The following PFKL variants were observed in gnomAD, a reference collection of about 807,000 sequenced individuals.
PFKL encodes phosphofructokinase, liver type, also known as ATP-dependent 6-phosphofructokinase, liver type.
Under a neutral mutation model 92.1 loss-of-function variants are expected in PFKL, and 74 were observed. The ratio of observed to expected loss-of-function variants is 0.80; its 90% confidence interval spans 0.67 to 0.97. The LOEUF is 0.97. PFKL is among the 50% of genes least tolerant of loss of function. The probability of loss-of-function intolerance (pLI) is 0.00; values close to 1 mark genes in which losing one functional copy is unlikely to be tolerated. For missense variants in PFKL, 1,028 were observed against 1,116.6 expected (o/e 0.92, Z 1.13); for synonymous variants, 494 against 456.4 (o/e 1.08, Z -1.05).
chr21:44,320,073 A>G lies in PFKL; in HGVS notation c.1128-11A>G. ...CAGGGCTGTGCATGGTGTGACCCGA[A>G]TCCCTTCCAGGAGCTTCGAGAACAA... On this transcript the variant is annotated splice_polypyrimidine_tract_variant and intron_variant, in intron 11 of 21. Coordinates refer to ENST00000349048, the MANE Select transcript of PFKL (RefSeq NM_002626.6). 6.2e-7 allele frequency: 1 copy of G among 1,612,880 alleles called. No individual in the cohort carries two copies. Among genetic ancestry groups the G allele is most frequent in the Non-Finnish European group, 8.5e-7 (1 of 1,179,460 alleles).
In PFKL at chr21:44,319,717, G is replaced by A. The variant is rs1231980167; in HGVS notation, c.1127+302G>A. The stretch of plus-strand genomic sequence containing the variant: ...GGGGTGGCCCCGCGGGGGCTGGGAA[G>A]GCTGGCAGATGTTGGGTGTGGGTAC... On this transcript the variant is annotated intron_variant, in intron 11 of 21. Coordinates refer to ENST00000349048, the MANE Select transcript of PFKL (RefSeq NM_002626.6). 16 of 535,150 alleles carry A rather than the reference G, an allele frequency of 3.0e-5. No homozygotes were observed. The South Asian group carries it at 3.0e-4, about 10-fold the overall frequency. The allele number at this position is 535,150 out of a possible 1,614,324, so 33.2% of individuals were successfully genotyped here.
chr21:44,304,987 A>T (rs529180674), intron 1 of PFKL, among the ~76,000 whole-genome samples: 38 of 152,046 alleles, frequency 2.5e-4, no homozygotes, highest in Non-Finnish European at 4.7e-4. Context: ...TGCTCTGCCC[A>T]TTCTAACGTC....
intron 2 of PFKL, among the ~76,000 whole-genome samples, chr21:44,310,200 C>A (rs1439867737): frequency 2.0e-5 from 3 of 152,268 alleles, no homozygotes; most frequent in Non-Finnish European, 4.4e-5. Flanking sequence ...TCCCTCCCCT[C>A]AAACAACAAG....
rs776255790 is a variant in PFKL at position 44,325,942 on chromosome 21, G to T, written c.1990-19G>T. ...GCAGCCCAGGGGAGTCCAGGGAACC[G>T]GGCCTCACCTGTTTCCAGGGTGGCG... is the stretch of plus-strand genomic sequence containing the variant. On this transcript the variant is annotated intron_variant, in intron 19 of 21. Coordinates refer to ENST00000349048, the MANE Select transcript of PFKL (RefSeq NM_002626.6). 2.5e-6 allele frequency: 4 copies of T among 1,596,942 alleles called. No homozygotes were observed. Among genetic ancestry groups the T allele is most frequent in the Admixed American group, 3.4e-5 (2 of 59,382 alleles).
chr21:44,304,529 C>G (rs933826140), intron 1 of PFKL: 1 of 1,140,768 alleles, frequency 8.8e-7, no homozygotes, highest in South Asian at 1.8e-5. Flanking sequence ...CTTCGGCCAG[C>G]TGTGGCTGAG....
intron 2 of PFKL, among the ~76,000 whole-genome samples, chr21:44,308,304 G>A (rs1436781337): frequency 2.6e-5 from 4 of 152,130 alleles, no homozygotes; most frequent in Non-Finnish European, 5.9e-5. Flanking sequence ...GCTGCCTAGT[G>A]GGCTTTAGCT....
In PFKL at chr21:44,321,694, C is replaced by G. The variant is rs774869707; in HGVS notation, c.1192-35C>G. 4.0e-6 allele frequency: 6 copies of G among 1,507,096 alleles called. No individual in the cohort carries two copies. In the South Asian group the frequency reaches 8.0e-5, roughly 20 times the overall value. 93.4% of individuals were successfully genotyped at this position (1,507,096 alleles called of 1,614,324 possible). ...TGCAGGTTGGGGGTCCCCTCCCCGG[C>G]TGTGCCTCACGCTCATCTCCCCTTC... On this transcript the variant is annotated intron_variant, in intron 12 of 21. Coordinates refer to ENST00000349048, the MANE Select transcript of PFKL (RefSeq NM_002626.6).
chr21:44,319,489 C>T (rs1346083858), intron 11 of PFKL, 74 bp downstream of exon 11: 10 of 1,247,534 alleles, frequency 8.0e-6, no homozygotes, highest in East Asian at 7.0e-5. Context: ...GCTGCAGTGG[C>T]GCTATGCACG....
At chr21:44,323,508 T>A (rs2047412884) in intron 15 of PFKL, among the ~76,000 whole-genome samples, 1 of 151,946 alleles carries the variant, frequency 6.6e-6, no homozygotes. Context: ...CTCCATGGAG[T>A]GGATCTGGGG....
chr21:44,310,351 C>T (rs891274498), intron 2 of PFKL, among the ~76,000 whole-genome samples: 1 of 152,302 alleles, frequency 6.6e-6, no homozygotes, highest in East Asian at 1.9e-4. Flanking sequence ...CGTGGCGGGA[C>T]GCGGAGCCTG....
rs988982294 is a variant in PFKL, at chr21:44,312,914, G to T, written c.428-64G>T. The T allele has an allele frequency of 2.6e-6, 4 of 1,546,096 alleles. No individual in the cohort carries two copies. In the African/African-American group the frequency reaches 5.4e-5, roughly 21 times the overall value. On this transcript the variant is annotated intron_variant, in intron 4 of 21. Coordinates refer to ENST00000349048, the MANE Select transcript of PFKL (RefSeq NM_002626.6). Reference sequence around the variant, plus strand: ...CGGGGGAAGGGGTGGCAGGAGAGGGGTCTCTGGCCCTGTGGTGGGGCCAGT... The same window carrying T: ...CGGGGGAAGGGGTGGCAGGAGAGGGTTCTCTGGCCCTGTGGTGGGGCCAGT...
At chr21:44,301,036 C>G (rs1404962675) in intron 1 of PFKL, among the ~76,000 whole-genome samples, 1 of 152,184 alleles carries the variant, frequency 6.6e-6, no homozygotes, top group Non-Finnish European at 1.5e-5. Flanking sequence ...CAGCCAGCAC[C>G]CCAAGGCTGT....
chr21:44,311,179 C>G lies in PFKL; in HGVS notation c.237+96C>G, dbSNP rs564685789. The G allele has an allele frequency of 9.7e-5, 87 of 898,196 alleles. No individual in the cohort carries two copies. In the East Asian group the frequency reaches 2.2e-3, roughly 23 times the overall value. The allele number at this position is 898,196 out of a possible 1,614,324, so 55.6% of individuals were successfully genotyped here. ...ACACAGACACACACACAGAGACAGACACGTGCACAAACACACACATGCAGA... is the reference window on the plus strand; with the variant it reads ...ACACAGACACACACACAGAGACAGAGACGTGCACAAACACACACATGCAGA... On this transcript the variant is annotated intron_variant, in intron 3 of 21. Transcript: ENST00000349048.
intron 11 of PFKL, 39 bp from the exon 12 acceptor site, chr21:44,320,045 C>T (rs2047318553): frequency 1.9e-6 from 3 of 1,592,192 alleles, no homozygotes; most frequent in African/African-American, 1.3e-5. Flanking sequence ...CGCCGTGGCG[C>T]TGCAGGGCTG....
chr21:44,325,274 A>T lies in PFKL; in HGVS notation c.1989+10A>T. 6.4e-7 allele frequency: 1 copy of T among 1,552,652 alleles called. No individual in the cohort carries two copies. The highest frequency in any genetic ancestry group is 8.9e-7 in the Non-Finnish European group (1 of 1,125,158). ...GGGCCACCTGCAGCAGGTGTGGGGC[A>T]GGGGTGAGGCTCTGAGAGGCCTGCC... On this transcript the variant is annotated intron_variant, in intron 19 of 21. Coordinates refer to ENST00000349048, the MANE Select transcript of PFKL (RefSeq NM_002626.6).
chr21:44,322,219 C>A lies in PFKL; in HGVS notation c.1409+16C>A. The A allele has an allele frequency of 6.3e-7, 1 of 1,594,656 alleles. No homozygotes were observed. On this transcript the variant is annotated intron_variant, in intron 14 of 21. Transcript: ENST00000349048. Reference sequence around the variant, plus strand: ...GGACCAAGAGGTGAGCTGCCTGCTGCGGGTACCTGGGGGCAGGAGGGCCAG... The same window carrying A: ...GGACCAAGAGGTGAGCTGCCTGCTGAGGGTACCTGGGGGCAGGAGGGCCAG...
intron 11 of PFKL, 141 bp downstream of exon 11, chr21:44,319,556 C>T (rs1282367223): frequency 1.3e-6 from 1 of 744,184 alleles, no homozygotes; most frequent in African/African-American, 1.7e-5. Context: ...AGGAAGGGGC[C>T]TGCGGGTGGT....
At chr21:44,324,118 G>T (rs921075947) in intron 16 of PFKL, among the ~76,000 whole-genome samples, 200 bp downstream of exon 16, 2 of 152,160 alleles carry the variant, frequency 1.3e-5, no homozygotes, top group African/African-American at 2.4e-5. Flanking sequence ...GCCCTGCGTT[G>T]TTCCTCGCTA....
At position 44,324,935 on chromosome 21, in the gene PFKL, C is replaced by T; in HGVS notation, c.1877+18C>T. 1.9e-6 allele frequency: 3 copies of T among 1,593,444 alleles called. No individual in the cohort carries two copies. Among genetic ancestry groups the T allele is most frequent in the Non-Finnish European group, 2.6e-6 (3 of 1,169,254 alleles). ...GTGCTGCGGTGAGGCTGCCGTGGGT[C>T]CCTGGCCACAGCTGCGCGTCCAACT... is the stretch of plus-strand genomic sequence containing the variant. On this transcript the variant is annotated intron_variant, in intron 18 of 21. Transcript: ENST00000349048.
Sources: gnomAD v4.1 joint callset for allele counts (sites outside exome capture counted in the v4.1 genomes callset) on GRCh38, gnomAD v4.1.1 for gene constraint, MANE v1.5 for transcripts, NCBI Gene and HGNC (gene_info 2026-07-23, HGNC 2026-07-21) for gene names.